ANKIB1: variants seen among roughly 807,000 people sequenced by gnomAD.
ANKIB1 encodes ankyrin repeat and IBR domain containing 1.
ANKIB1 carries 43 observed loss-of-function variants against 122.1 expected under a neutral mutation model. That is an observed-to-expected ratio of 0.35 (90% CI 0.28 to 0.45). The LOEUF (loss-of-function observed/expected upper bound fraction) is 0.45, where lower values mean the gene tolerates loss of function less well. Among genes scored for constraint, ANKIB1 ranks in the 20% least tolerant of loss-of-function variants. The probability of loss-of-function intolerance (pLI) is 1.00; values close to 1 mark genes in which losing one functional copy is unlikely to be tolerated. For synonymous variants in ANKIB1, 390 were observed against 442.0 expected (o/e 0.88, Z 1.48); for missense variants, 992 against 1,329.5 (o/e 0.75, Z 3.95).
chr7:92,348,925 G>T (rs1171718608), intron 7 of ANKIB1, among the ~76,000 whole-genome samples: 2 of 152,206 alleles, frequency 1.3e-5, no homozygotes, highest in African/African-American at 4.8e-5. Context: ...AGTCATTGTG[G>T]CCCAGTGAAG....
At chr7:92,278,761 A>G (rs956003367) in intron 1 of ANKIB1, among the ~76,000 whole-genome samples, 5 of 152,130 alleles carry the variant, frequency 3.3e-5, no homozygotes, top group African/African-American at 9.7e-5. Flanking sequence ...TTTTTTTCCT[A>G]ACCAATTATC....
Position 92,391,907 on chromosome 7 carries a change from TC to T in ANKIB1, c.2232-332del, listed in dbSNP as rs369677253. 1.2e-4 allele frequency among the ~76,000 whole-genome samples: 19 copies of T among 152,220 alleles called. 1 individual carries two copies. The highest frequency in any genetic ancestry group is 4.6e-4 in the African/African-American group (19 of 41,562). On this transcript the variant is annotated intron_variant, in intron 16 of 19. Transcript: ENST00000265742. ...TATAATAACTATAAGCATTAAACAT[TC>T]CTTTGGCACTATTTTACATAAATTC...
intron 1 of ANKIB1, among the ~76,000 whole-genome samples, chr7:92,273,057 A>G (rs962107350): frequency 2.0e-5 from 3 of 152,238 alleles, no homozygotes; most frequent in African/African-American, 4.8e-5. Context: ...TATTTGCCAC[A>G]TAACATTTTG....
At chr7:92,348,267 C>T (rs1803582289) in intron 7 of ANKIB1, among the ~76,000 whole-genome samples, 1 of 151,946 alleles carries the variant, frequency 6.6e-6, no homozygotes, top group Non-Finnish European at 1.5e-5. Context: ...AAACTGTGAA[C>T]TTTGACAAGG....
intron 1 of ANKIB1, among the ~76,000 whole-genome samples, chr7:92,281,060 A>G (rs1002311058): frequency 1.3e-5 from 2 of 152,232 alleles, no homozygotes; most frequent in Non-Finnish European, 2.9e-5. Flanking sequence ...GCAAAGGGAA[A>G]GGGTTCATGG....
At chr7:92,263,330 T>C (rs1461257700) in intron 1 of ANKIB1, among the ~76,000 whole-genome samples, 1 of 152,240 alleles carries the variant, frequency 6.6e-6, no homozygotes, top group Admixed American at 6.5e-5. Flanking sequence ...TTTTTGTGTT[T>C]ACACAGTACA....
chr7:92,364,034 A>T lies in ANKIB1; in HGVS notation c.1486+1761A>T, dbSNP rs77831607. Among the ~76,000 whole-genome samples, 43 of 152,278 alleles carry T rather than the reference A, an allele frequency of 2.8e-4. No individual in the cohort carries two copies. The East Asian group carries it at 7.0e-3, about 25-fold the overall frequency. The stretch of plus-strand genomic sequence containing the variant: ...AGTCAACAGATTTTTTAAGCCAGGC[A>T]CAATGGCTCACATCTGTAATCCTAG... On this transcript the variant is annotated intron_variant, in intron 10 of 19. Coordinates refer to ENST00000265742, the MANE Select transcript of ANKIB1 (RefSeq NM_019004.2).
chr7:92,323,091 G>T (rs193258501), intron 4 of ANKIB1, among the ~76,000 whole-genome samples: 1 of 152,046 alleles, frequency 6.6e-6, no homozygotes, highest in Non-Finnish European at 1.5e-5. Context: ...CTTCGTAGTC[G>T]TCATTATTGC....
At chr7:92,387,317 A>G (rs1804678401) in intron 12 of ANKIB1, among the ~76,000 whole-genome samples, 1 of 152,162 alleles carries the variant, frequency 6.6e-6, no homozygotes, top group African/African-American at 2.4e-5. Context: ...CCATTAGTCC[A>G]TAGCAAAAAG....
Position 92,361,913 on chromosome 7 carries a change from G to A in ANKIB1, c.1398-272G>A, listed in dbSNP as rs536121423. Among the ~76,000 whole-genome samples the A allele has an allele frequency of 5.0e-4, 76 of 152,084 alleles. No individual in the cohort carries two copies. In the South Asian group the frequency reaches 7.5e-3, roughly 15 times the overall value. On this transcript the variant is annotated intron_variant, in intron 9 of 19. Coordinates refer to ENST00000265742, the MANE Select transcript of ANKIB1 (RefSeq NM_019004.2). ...CAACCTCCACCTCCCAGGTTCAAGC[G>A]TTTCTCCTGCGTCAGCCTCCTGAGT... is the stretch of plus-strand genomic sequence containing the variant.
chr7:92,319,711 T>C (rs1267651251), intron 4 of ANKIB1, 199 bp downstream of exon 4: 5 of 547,604 alleles, frequency 9.1e-6, no homozygotes, highest in Non-Finnish European at 1.5e-5. Flanking sequence ...TCCAGTGCTT[T>C]GGGAGGCCAA....
At chr7:92,375,701 A>G (rs2115655425) in intron 11 of ANKIB1, among the ~76,000 whole-genome samples, 1 of 152,260 alleles carries the variant, frequency 6.6e-6, no homozygotes, top group African/African-American at 2.4e-5. Flanking sequence ...TCATGTTGAT[A>G]TTTTTACTTC....
intron 1 of ANKIB1, among the ~76,000 whole-genome samples, chr7:92,287,628 T>G (rs1802158864): frequency 6.6e-6 from 1 of 152,160 alleles, no homozygotes; most frequent in African/African-American, 2.4e-5. Context: ...GGGGAGATGC[T>G]TTGCGTCCAT....
In ANKIB1 at chr7:92,379,640, A is replaced by G. The variant is rs141825480; in HGVS notation, c.1618-6869A>G. Among the ~76,000 whole-genome samples, 15 of 152,354 alleles carry G rather than the reference A, an allele frequency of 9.8e-5. No homozygotes were observed. The East Asian group carries it at 2.9e-3, about 29-fold the overall frequency. On this transcript the variant is annotated intron_variant, in intron 11 of 19. Coordinates refer to ENST00000265742, the MANE Select transcript of ANKIB1 (RefSeq NM_019004.2). The stretch of plus-strand genomic sequence containing the variant: ...ACCAGTGGAGAAACATGAGTTATTT[A>G]AATGGTATAAGGACTACTGGGCAGT...
rs556193216 is a variant in ANKIB1, at chr7:92,334,676, C to T, written c.787+6776C>T. Among the ~76,000 whole-genome samples the T allele has an allele frequency of 5.9e-5, 9 of 151,720 alleles. No individual in the cohort carries two copies. The South Asian group carries it at 1.7e-3, about 28-fold the overall frequency. On this transcript the variant is annotated intron_variant, in intron 5 of 19. Coordinates refer to ENST00000265742, the MANE Select transcript of ANKIB1 (RefSeq NM_019004.2). ...ATAAATATCTATGTGAATGAAAATCCAATAGGGCACAGAGAAAACGTTTAT... is the reference window on the plus strand; with the variant it reads ...ATAAATATCTATGTGAATGAAAATCTAATAGGGCACAGAGAAAACGTTTAT...
chr7:92,286,293 C>T (rs1585088624), intron 1 of ANKIB1, among the ~76,000 whole-genome samples: 2 of 152,148 alleles, frequency 1.3e-5, no homozygotes, highest in East Asian at 1.9e-4. Context: ...GTAGAGGGAC[C>T]AGTGGACCTT....
At chr7:92,307,310 G>C in intron 2 of ANKIB1, 49 bp from the exon 3 acceptor site, 1 of 1,509,572 alleles carries the variant, frequency 6.6e-7, no homozygotes, top group Non-Finnish European at 8.9e-7. Context: ...TTTCAAGGTA[G>C]AAAATAAGTG....
At chr7:92,391,138 A>ATT (rs530415288) in intron 15 of ANKIB1, 28 bp from the exon 16 acceptor site, 319 of 1,165,772 alleles carry the variant, frequency 2.7e-4, no homozygotes, top group South Asian at 8.8e-4. Flanking sequence ...GAAGCCTGTG[A>ATT]TTTTTTTTTT....
At chr7:92,351,150 C>A in intron 8 of ANKIB1, 56 bp downstream of exon 8, 1 of 1,288,564 alleles carries the variant, frequency 7.8e-7, no homozygotes, top group Non-Finnish European at 1.0e-6. Context: ...TTTATTAAAC[C>A]TTTATAACAT....
Sources: allele counts gnomAD v4.1 joint callset (sites outside exome capture counted in the v4.1 genomes callset), GRCh38; gene constraint gnomAD v4.1.1; transcripts MANE v1.5; gene names NCBI Gene and HGNC (gene_info 2026-07-23, HGNC 2026-07-21).